GABRG3: variants seen among roughly 807,000 people sequenced by gnomAD.
GABRG3 encodes the protein gamma-aminobutyric acid receptor subunit gamma-3.
Under a neutral mutation model 48.8 loss-of-function variants are expected in GABRG3, and 25 were observed. That is an observed-to-expected ratio of 0.51 (90% CI 0.37 to 0.72). The LOEUF is 0.72. GABRG3 is among the 30% of genes least tolerant of loss of function. The probability of loss-of-function intolerance (pLI) is 0.00; values close to 1 mark genes in which losing one functional copy is unlikely to be tolerated. For synonymous variants in GABRG3, 227 were observed against 217.6 expected (o/e 1.04, Z -0.38); for missense variants, 394 against 577.9 (o/e 0.68, Z 3.26).
At chr15:27,419,307 C>T (rs773520594) in intron 5 of GABRG3, among the ~76,000 whole-genome samples, 40 of 152,102 alleles carry the variant, frequency 2.6e-4, no homozygotes, top group Non-Finnish European at 4.0e-4. Context: ...CATGACCACC[C>T]GGCCCTCAGG....
At chr15:27,251,020 AG>A (rs1890438670) in intron 3 of GABRG3, among the ~76,000 whole-genome samples, 1 of 152,196 alleles carries the variant, frequency 6.6e-6, no homozygotes. Context: ...CAGGTCGCAG[AG>A]AACACACCAC....
At chr15:27,025,462 A>G (rs891582221) in intron 2 of GABRG3, among the ~76,000 whole-genome samples, 4 of 152,226 alleles carry the variant, frequency 2.6e-5, no homozygotes, top group African/African-American at 9.6e-5. Context: ...TCCTTTTATG[A>G]AACTTAAGCA....
Position 27,352,490 on chromosome 15 carries a change from G to A in GABRG3, c.574+23602G>A, listed in dbSNP as rs1894655844. 1.3e-5 allele frequency among the ~76,000 whole-genome samples: 2 copies of A among 152,024 alleles called. No homozygotes were observed. The highest frequency in any genetic ancestry group is 6.5e-5 in the Admixed American group (1 of 15,268). On this transcript the variant is annotated intron_variant, in intron 5 of 9. Coordinates refer to ENST00000615808, the MANE Select transcript of GABRG3 (RefSeq NM_033223.5). This position sits in a 1 kb window ranked among gnomAD's most constrained non-coding sequence, Gnocchi z 4.0. ...CTTCTAATTAGTACGAAAAAGATTC[G>A]AGAATTGGATCCTAGGAATGAGAAC...
intron 5 of GABRG3, among the ~76,000 whole-genome samples, chr15:27,386,129 G>C (rs1895913924): frequency 6.6e-6 from 1 of 151,946 alleles, no homozygotes; most frequent in Admixed American, 6.6e-5. Flanking sequence ...CTCTCTCTTT[G>C]TTTTCCTGGT....
chr15:27,438,442 A>T (rs1462591795), intron 5 of GABRG3, among the ~76,000 whole-genome samples: 1 of 152,236 alleles, frequency 6.6e-6, no homozygotes, highest in Non-Finnish European at 1.5e-5. Flanking sequence ...TCTAATGGTA[A>T]TACATAGGCT....
chr15:27,372,096 A>T (rs1161379190), intron 5 of GABRG3, among the ~76,000 whole-genome samples: 1 of 152,118 alleles, frequency 6.6e-6, no homozygotes, highest in Non-Finnish European at 1.5e-5. Flanking sequence ...AACCTCACGT[A>T]TTGCACAAAA....
intron 3 of GABRG3, among the ~76,000 whole-genome samples, chr15:27,074,374 C>G (rs1896876380): frequency 6.6e-6 from 1 of 152,094 alleles, no homozygotes; most frequent in Non-Finnish European, 1.5e-5. Flanking sequence ...GTGGATATCA[C>G]AGTCATAATC....
intron 3 of GABRG3, among the ~76,000 whole-genome samples, chr15:27,210,761 C>T (rs1326501360): frequency 1.3e-5 from 2 of 152,164 alleles, no homozygotes; most frequent in African/African-American, 2.4e-5. Flanking sequence ...CATGAAGATT[C>T]GAGCAGGCCC....
chr15:27,421,466 T>C (rs868137040), intron 5 of GABRG3, among the ~76,000 whole-genome samples: 1 of 152,144 alleles, frequency 6.6e-6, no homozygotes, highest in Non-Finnish European at 1.5e-5. Context: ...CCAACAATAC[T>C]GAGTATTCTA....
intron 5 of GABRG3, among the ~76,000 whole-genome samples, chr15:27,332,449 G>A (rs1049117347): frequency 6.6e-6 from 1 of 152,054 alleles, no homozygotes; most frequent in South Asian, 2.1e-4. Context: ...CAGAAGAATC[G>A]CTTGAACCCG....
chr15:27,027,469 C>T (rs1269473988), intron 3 of GABRG3, among the ~76,000 whole-genome samples: 1 of 152,238 alleles, frequency 6.6e-6, no homozygotes, highest in Non-Finnish European at 1.5e-5. Context: ...CCCTGCTGCA[C>T]ATTTGCTCCT....
At chr15:27,051,655 C>T (rs762178786) in intron 3 of GABRG3, among the ~76,000 whole-genome samples, 6 of 152,186 alleles carry the variant, frequency 3.9e-5, no homozygotes, top group Non-Finnish European at 5.9e-5. Flanking sequence ...CACCAGGGAC[C>T]GGTTTCATGG....
At chr15:27,036,428 C>T (rs1044075699) in intron 3 of GABRG3, among the ~76,000 whole-genome samples, 1 of 152,302 alleles carries the variant, frequency 6.6e-6, no homozygotes, top group South Asian at 2.1e-4. Context: ...CGCGGTGGCT[C>T]ATGCCTATAA....
At chr15:27,456,303 A>G (rs574946485) in intron 5 of GABRG3, among the ~76,000 whole-genome samples, 1 of 152,100 alleles carries the variant, frequency 6.6e-6, no homozygotes, top group African/African-American at 2.4e-5. Context: ...GTAGGACAAT[A>G]GTTGGTCATG....
At chr15:27,262,105 A>G (rs1055110136) in intron 3 of GABRG3, among the ~76,000 whole-genome samples, 1 of 152,124 alleles carries the variant, frequency 6.6e-6, no homozygotes, top group Non-Finnish European at 1.5e-5. Flanking sequence ...AATGATAAAC[A>G]TCCTGCATCT....
chr15:27,511,040 T>C (rs955840478), intron 6 of GABRG3, among the ~76,000 whole-genome samples: 1 of 152,132 alleles, frequency 6.6e-6, no homozygotes, highest in Middle Eastern at 3.2e-3. Flanking sequence ...TTACCACACA[T>C]TCCTCTCTGG....
chr15:27,005,287 G>A lies in GABRG3; in HGVS notation c.203-21467G>A, dbSNP rs1209733160. On this transcript the variant is annotated intron_variant, in intron 2 of 9. Coordinates refer to ENST00000615808, the MANE Select transcript of GABRG3 (RefSeq NM_033223.5). ...GCAATCTCGGCTCACTGCAACCTCC[G>A]CCTCCCGGGTTCAAGCAATTCTTCT... is the stretch of plus-strand genomic sequence containing the variant. Among the ~76,000 whole-genome samples, 5 of 152,060 alleles carry A rather than the reference G, an allele frequency of 3.3e-5. No homozygotes were observed. In the East Asian group the frequency reaches 9.7e-4, roughly 29 times the overall value.
At chr15:27,443,312 A>G (rs893060838) in intron 5 of GABRG3, among the ~76,000 whole-genome samples, 1 of 152,218 alleles carries the variant, frequency 6.6e-6, no homozygotes, top group Non-Finnish European at 1.5e-5. Context: ...ATTCAAAAGC[A>G]ATGAGTCTTT....
intron 3 of GABRG3, among the ~76,000 whole-genome samples, chr15:27,114,740 T>A (rs1324623520): frequency 6.6e-6 from 1 of 152,058 alleles, no homozygotes; most frequent in Non-Finnish European, 1.5e-5. Context: ...ACTGACTAGA[T>A]AATGAAAGGT....
Sources: gnomAD v4.1 joint callset for allele counts (sites outside exome capture counted in the v4.1 genomes callset) on GRCh38, gnomAD v4.1.1 for gene constraint, Gnocchi (gnomAD v3.1) non-coding constraint, MANE v1.5 for transcripts, NCBI Gene and HGNC (gene_info 2026-07-23, HGNC 2026-07-21) for gene names.